Variants in ATG10 observed in about 807,000 individuals in gnomAD.
ATG10 encodes the protein ubiquitin-like-conjugating enzyme ATG10.
Under a neutral mutation model 32.1 loss-of-function variants are expected in ATG10, and 30 were observed. The ratio of observed to expected loss-of-function variants is 0.94; its 90% CI spans 0.70 to 1.27. The LOEUF (loss-of-function observed/expected upper bound fraction) is 1.27, where lower values mean the gene tolerates loss of function less well. Ranked by LOEUF, ATG10 falls within the 50% of genes most tolerant of loss-of-function variation. The pLI is 0.00. For synonymous variants in ATG10, 87 were observed against 91.5 expected (o/e 0.95, Z 0.28); for missense variants, 233 against 262.3 (o/e 0.89, Z 0.77).
chr5:82,178,197 G>T lies in ATG10; in HGVS notation c.356-293G>T, dbSNP rs146349041. ...GGTTCCTTTGCCTGTGCTTGCATCT[G>T]TCAGTTCTCTCTAAAACACATTTGG... On this transcript the variant is annotated intron_variant, in intron 4 of 7. Coordinates refer to ENST00000282185, the MANE Select transcript of ATG10 (RefSeq NM_031482.5). 1.3e-4 allele frequency among the ~76,000 whole-genome samples: 20 copies of T among 152,184 alleles called. No individual in the cohort carries two copies. In the East Asian group the frequency reaches 3.9e-3, roughly 29 times the overall value.
chr5:81,996,652 G>A (rs1761673635), intron 2 of ATG10, among the ~76,000 whole-genome samples: 1 of 152,160 alleles, frequency 6.6e-6, no homozygotes, highest in Admixed American at 6.5e-5. Flanking sequence ...ATAGCAAATG[G>A]CAATCATATG....
chr5:82,037,228 C>T (rs1194602791), intron 2 of ATG10, among the ~76,000 whole-genome samples: 3 of 118,046 alleles, frequency 2.5e-5, no homozygotes, highest in African/African-American at 9.4e-5. Flanking sequence ...AATAAGATCT[C>T]ATTTACTTTT....
At chr5:82,111,061 T>C (rs1003089810) in intron 3 of ATG10, among the ~76,000 whole-genome samples, 2 of 152,010 alleles carry the variant, frequency 1.3e-5, no homozygotes, top group African/African-American at 4.8e-5. Context: ...TTAGACCATA[T>C]ACATTGATCT....
chr5:82,218,937 A>T (rs1307103979), intron 5 of ATG10, among the ~76,000 whole-genome samples: 1 of 152,116 alleles, frequency 6.6e-6, no homozygotes, highest in African/African-American at 2.4e-5. Flanking sequence ...CTGTTAGTGG[A>T]GAGAGGGAGA....
chr5:82,043,746 C>T (rs530591859), intron 2 of ATG10, among the ~76,000 whole-genome samples: 1 of 152,332 alleles, frequency 6.6e-6, no homozygotes, highest in South Asian at 2.1e-4. Context: ...TGCTGCCAGT[C>T]TCTTTGCTAA....
At chr5:82,051,242 A>T (rs1763410366) in intron 2 of ATG10, among the ~76,000 whole-genome samples, 1 of 152,098 alleles carries the variant, frequency 6.6e-6, no homozygotes, top group Admixed American at 6.6e-5. Context: ...TGGTGAATCG[A>T]GGGGGTGCTA....
chr5:82,090,034 A>G (rs996870650), intron 3 of ATG10, among the ~76,000 whole-genome samples: 2 of 151,382 alleles, frequency 1.3e-5, no homozygotes, highest in Middle Eastern at 3.2e-3. Context: ...CAACAATGAG[A>G]TATCACTACA....
intron 5 of ATG10, among the ~76,000 whole-genome samples, chr5:82,211,945 A>G (rs564199086): frequency 6.6e-6 from 1 of 152,352 alleles, no homozygotes; most frequent in South Asian, 2.1e-4. Context: ...TGTTGTACCC[A>G]TATCCAAGCA....
chr5:82,085,966 T>C (rs1018882348), intron 3 of ATG10, among the ~76,000 whole-genome samples: 4 of 152,176 alleles, frequency 2.6e-5, no homozygotes, highest in African/African-American at 9.6e-5. Context: ...TGGATTACAA[T>C]AGATAATATT....
intron 2 of ATG10, among the ~76,000 whole-genome samples, chr5:82,034,940 A>G (rs563346212): frequency 6.6e-6 from 1 of 152,072 alleles, no homozygotes; most frequent in East Asian, 1.9e-4. Flanking sequence ...TTTATCTGAG[A>G]TGGAGTCTCT....
intron 3 of ATG10, among the ~76,000 whole-genome samples, chr5:82,140,037 C>T (rs1384626136): frequency 4.5e-5 from 6 of 134,382 alleles, no homozygotes; most frequent in East Asian, 2.3e-4. Flanking sequence ...CCCCTCTGCC[C>T]GGCCAGCCGC....
chr5:82,077,061 C>T (rs1219926540), intron 3 of ATG10, among the ~76,000 whole-genome samples: 4 of 152,162 alleles, frequency 2.6e-5, no homozygotes, highest in Admixed American at 6.5e-5. Flanking sequence ...TGGTGGCTCA[C>T]GCCTGTAATT....
intron 5 of ATG10, among the ~76,000 whole-genome samples, chr5:82,248,110 A>C (rs1461588829): frequency 1.3e-5 from 2 of 152,112 alleles, no homozygotes; most frequent in Non-Finnish European, 2.9e-5. Flanking sequence ...CTTACTTCCT[A>C]TCAGGCCTTC....
chr5:81,985,852 T>C (rs1227790108), intron 1 of ATG10, among the ~76,000 whole-genome samples: 3 of 152,160 alleles, frequency 2.0e-5, no homozygotes, highest in African/African-American at 7.2e-5. Flanking sequence ...AAGCTCCGCC[T>C]CCCGGGTTCC....
intron 5 of ATG10, among the ~76,000 whole-genome samples, chr5:82,180,094 C>G (rs1260102518): frequency 6.6e-6 from 1 of 152,064 alleles, no homozygotes; most frequent in Non-Finnish European, 1.5e-5. Flanking sequence ...GCTTACTTAC[C>G]TGTGCTCAAA....
intron 5 of ATG10, among the ~76,000 whole-genome samples, chr5:82,192,809 A>G (rs1744712986): frequency 6.6e-6 from 1 of 152,242 alleles, no homozygotes; most frequent in African/African-American, 2.4e-5. Flanking sequence ...GTTGAGCTTC[A>G]GGTTTCCTAC....
rs1161084138 is a variant in ATG10 at position 82,121,516 on chromosome 5, A to AGAGG, written c.217-42881_217-42878dup. On this transcript the variant is annotated intron_variant, in intron 3 of 7. Coordinates refer to ENST00000282185, the MANE Select transcript of ATG10 (RefSeq NM_031482.5). ...TACTGTGTTGAATAGGAGTGGTGAG[A>AGAGG]GAGGGCATCCTTGTCTTGTGCTGGT... Among the ~76,000 whole-genome samples, 4 of 152,264 alleles carry AGAGG rather than the reference A, an allele frequency of 2.6e-5. No homozygotes were observed. In the East Asian group the frequency reaches 7.7e-4, roughly 29 times the overall value.
intron 3 of ATG10, among the ~76,000 whole-genome samples, chr5:82,151,355 A>T (rs1404863724): frequency 6.6e-6 from 1 of 152,124 alleles, no homozygotes; most frequent in Non-Finnish European, 1.5e-5. Flanking sequence ...CCCAGCTACT[A>T]CTAATATTTA....
chr5:82,138,564 G>A (rs900871051), intron 3 of ATG10, among the ~76,000 whole-genome samples: 2 of 152,018 alleles, frequency 1.3e-5, no homozygotes, highest in African/African-American at 4.8e-5. Context: ...ACTCTCTAAC[G>A]AGTCCCAATG....
Sources: allele counts gnomAD v4.1 joint callset (sites outside exome capture counted in the v4.1 genomes callset), GRCh38; gene constraint gnomAD v4.1.1; transcripts MANE v1.5; gene names NCBI Gene and HGNC (gene_info 2026-07-23, HGNC 2026-07-21).